ZNF717: variants seen among roughly 807,000 people sequenced by gnomAD.
The protein encoded by ZNF717 is krueppel-like factor X17.
Under a neutral mutation model 13.8 loss-of-function variants are expected in ZNF717, and 9 were observed. The ratio of observed to expected loss-of-function variants is 0.65; its 90% confidence interval spans 0.39 to 1.14. The LOEUF is 1.14. ZNF717 is among the 50% of genes most tolerant of loss of function. ZNF717 has a pLI of 0.01. For synonymous variants in ZNF717, 327 were observed against 364.1 expected (o/e 0.90, Z 1.16); for missense variants, 1,040 against 1,080.7 (o/e 0.96, Z 0.53).
chr3:75,768,582 C>T (rs1251702839), intron 2 of ZNF717, among the ~76,000 whole-genome samples: 3 of 147,948 alleles, frequency 2.0e-5, no homozygotes, highest in Non-Finnish European at 4.5e-5. Flanking sequence ...TCATTCAGTC[C>T]TCACTGCGGC....
intron 6 of ZNF717, among the ~76,000 whole-genome samples, chr3:75,697,466 G>T (rs1303825627): frequency 2.6e-5 from 4 of 152,402 alleles, no homozygotes; most frequent in African/African-American, 4.8e-5. Flanking sequence ...GTTCCTATAA[G>T]ATCTGGTTAT....
exon 6 of ZNF717, chr3:75,710,761 T>C (rs1358620125): frequency 1.3e-5 from 2 of 152,168 alleles, no homozygotes; most frequent in Non-Finnish European, 2.9e-5. Context: ...TGGAGAGTTG[T>C]TGCCAAATTA....
downstream of ZNF717, among the ~76,000 whole-genome samples, chr3:75,735,515 C>A: frequency 6.6e-6 from 1 of 152,066 alleles, no homozygotes; most frequent in African/African-American, 2.4e-5. Flanking sequence ...TAGCTAATTG[C>A]ATACTTGTAG....
At chr3:75,706,111 C>T (rs77757005), downstream of ZNF717, among the ~76,000 whole-genome samples, 20 of 133,646 alleles carry the variant, frequency 1.5e-4, no homozygotes, top group South Asian at 4.9e-4. Context: ...GAAAAAATTA[C>T]AATCATTTGA....
exon 6 of ZNF717, chr3:75,710,994 T>C (rs1937926436): frequency 6.6e-6 from 1 of 152,188 alleles, no homozygotes; most frequent in African/African-American, 2.4e-5. Context: ...CTTAAAGTTT[T>C]TGGGCCTGCC....
At chr3:75,740,219 A>G (rs1203237894) in intron 4 of ZNF717, among the ~76,000 whole-genome samples, 5 of 152,330 alleles carry the variant, frequency 3.3e-5, no homozygotes, top group Non-Finnish European at 7.3e-5. Flanking sequence ...TTATATAAAA[A>G]TGAAGTTTCC....
intron 1 of ZNF717, among the ~76,000 whole-genome samples, chr3:75,784,513 A>G (rs768007847): frequency 3.3e-5 from 5 of 152,230 alleles, no homozygotes; most frequent in African/African-American, 1.2e-4. Flanking sequence ...CGCTGGAAAC[A>G]ACGAGGAAAG....
chr3:75,731,220 T>C (rs1393719651), downstream of ZNF717, among the ~76,000 whole-genome samples: 2 of 152,002 alleles, frequency 1.3e-5, no homozygotes, highest in African/African-American at 2.4e-5. Flanking sequence ...CTACTAAAAA[T>C]ACAAATATTA....
intron 4 of ZNF717, among the ~76,000 whole-genome samples, chr3:75,717,655 C>G (rs1036885780): frequency 6.6e-6 from 1 of 150,722 alleles, no homozygotes; most frequent in Non-Finnish European, 1.5e-5. Flanking sequence ...GACTACTAAG[C>G]ATTTGCCACC....
intron 2 of ZNF717, among the ~76,000 whole-genome samples, chr3:75,747,622 A>G (rs1401192256): frequency 5.3e-5 from 8 of 152,114 alleles, no homozygotes; most frequent in Admixed American, 3.9e-4. Context: ...CTTTGAAGCA[A>G]ATTTGAATGG....
chr3:75,696,717 G>T (rs76909950), intron 6 of ZNF717, among the ~76,000 whole-genome samples: 30 of 151,826 alleles, frequency 2.0e-4, no homozygotes, highest in South Asian at 4.2e-4. Flanking sequence ...ACATGGCAAA[G>T]CCCTGTCTCT....
At chr3:75,696,985 A>T (rs1937610867) in intron 6 of ZNF717, among the ~76,000 whole-genome samples, 1 of 152,312 alleles carries the variant, frequency 6.6e-6, no homozygotes, top group East Asian at 1.9e-4. Context: ...ATATTCTTTA[A>T]TAATAAAAAA....
chr3:75,755,311 T>C (rs1942377523), intron 2 of ZNF717, among the ~76,000 whole-genome samples: 1 of 152,276 alleles, frequency 6.6e-6, no homozygotes, highest in South Asian at 2.1e-4. Flanking sequence ...TATTTATTCT[T>C]AATTGATCTG....
Position 75,743,544 on chromosome 3 carries a change from G to C in ZNF717, c.58-1808C>G, listed in dbSNP as rs1415074330. Among the ~76,000 whole-genome samples the C allele has an allele frequency of 2.0e-5, 3 of 152,290 alleles. No homozygotes were observed. In the South Asian group the frequency reaches 6.2e-4, roughly 32 times the overall value. On this transcript the variant is annotated intron_variant, in intron 2 of 4. Coordinates refer to ENST00000652011, the MANE Select transcript of ZNF717 (RefSeq NM_001290208.3). ...AAGGAGGTCCAGTAAGGACAGAAAA[G>C]TTACATGACAATATTGGCATTTTAA...
intron 4 of ZNF717, among the ~76,000 whole-genome samples, chr3:75,720,135 C>T (rs1938140484): frequency 6.6e-6 from 1 of 151,912 alleles, no homozygotes; most frequent in Admixed American, 6.6e-5. Flanking sequence ...CCCAGCAATC[C>T]CATTACTGGG....
chr3:75,766,360 T>G (rs1943466381), intron 2 of ZNF717, among the ~76,000 whole-genome samples: 1 of 151,654 alleles, frequency 6.6e-6, no homozygotes, highest in Non-Finnish European at 1.5e-5. Flanking sequence ...CAGACACTAA[T>G]CATAAAAAGC....
downstream of ZNF717, among the ~76,000 whole-genome samples, chr3:75,731,794 C>T (rs1938580701): frequency 1.3e-5 from 2 of 152,168 alleles, no homozygotes; most frequent in Non-Finnish European, 2.9e-5. Context: ...ACTGAAAAAT[C>T]AACAATCCTT....
intron 4 of ZNF717, among the ~76,000 whole-genome samples, chr3:75,724,287 CTCTA>C (rs1279397535): frequency 6.6e-6 from 1 of 151,022 alleles, no homozygotes; most frequent in Non-Finnish European, 1.5e-5. Flanking sequence ...ATGTCTTTTC[CTCTA>C]TCTCTTTGTC....
intron 4 of ZNF717, 140 bp downstream of exon 4, chr3:75,741,136 T>C (rs112346488): frequency 6.4e-6 from 4 of 623,204 alleles, no homozygotes; most frequent in Non-Finnish European, 1.1e-5. Flanking sequence ...CCCTGGGGAC[T>C]ATATAATGCA....
Sources: allele counts gnomAD v4.1 joint callset (sites outside exome capture counted in the v4.1 genomes callset), GRCh38; gene constraint gnomAD v4.1.1; transcripts MANE v1.5; gene names NCBI Gene and HGNC (gene_info 2026-07-23, HGNC 2026-07-21).